Variants in LINGO2 observed in about 807,000 individuals in gnomAD.
The protein encoded by LINGO2 is leucine rich repeat and Ig domain containing 2, also known as leucine-rich repeat and immunoglobulin-like domain-containing nogo receptor-interacting protein 2.
A neutral mutation model predicts 30.6 loss-of-function variants in LINGO2; 14 were observed. The ratio of observed to expected loss-of-function variants is 0.46; its 90% CI spans 0.30 to 0.72. LINGO2 has a LOEUF of 0.72. Among genes scored for constraint, LINGO2 ranks in the 30% least tolerant of loss-of-function variants. The pLI is 0.07. For missense variants in LINGO2, 729 were observed against 751.7 expected (o/e 0.97, Z 0.35); for synonymous variants, 317 against 288.5 (o/e 1.10, Z -1.00).
At chr9:28,727,524 A>C in the LINGO2 span, among the ~76,000 whole-genome samples, 1 of 152,160 alleles carries the variant, frequency 6.6e-6, no homozygotes, top group Non-Finnish European at 1.5e-5. Flanking sequence ...TCCTGATCTC[A>C]TGATCTGCCT....
intron 5 of LINGO2, among the ~76,000 whole-genome samples, chr9:27,966,799 T>A (rs1001840286): frequency 3.9e-5 from 6 of 152,130 alleles, no homozygotes; most frequent in Non-Finnish European, 7.4e-5. Flanking sequence ...TTGGCTGCCT[T>A]CTGTGATAAT....
At chr9:28,690,527 A>C in the LINGO2 span, among the ~76,000 whole-genome samples, 2 of 152,184 alleles carry the variant, frequency 1.3e-5, no homozygotes, top group South Asian at 4.1e-4. Context: ...ATTTCTTAGT[A>C]GGAAAATTTG....
chr9:27,990,644 C>G (rs990593116), intron 5 of LINGO2, among the ~76,000 whole-genome samples: 3 of 151,750 alleles, frequency 2.0e-5, no homozygotes, highest in East Asian at 3.9e-4. Context: ...GAAAAAATAC[C>G]CTTATTTCAC....
At chr9:29,035,926 G>A in the LINGO2 span, among the ~76,000 whole-genome samples, 1 of 151,922 alleles carries the variant, frequency 6.6e-6, no homozygotes, top group Non-Finnish European at 1.5e-5. Flanking sequence ...TTGAAATCTT[G>A]GAGAAAACTG....
rs1827865615 is a variant in LINGO2, at chr9:28,148,040, T to C, written c.-86-135635A>G. Among the ~76,000 whole-genome samples, 1 of 152,202 alleles carries C rather than the reference T, an allele frequency of 6.6e-6. No homozygotes were observed. Among genetic ancestry groups the C allele is most frequent in the Admixed American group, 6.5e-5 (1 of 15,286 alleles). ...CTGGTTCCGCCACAGGTCCTGGCCA[T>C]GCCATTGGCAACCTGCTCGTCTTGT... On this transcript the variant is annotated intron_variant, in intron 4 of 5. Transcript: ENST00000379992. This position sits in a 1 kb window ranked among gnomAD's most constrained non-coding sequence, Gnocchi z 5.1.
chr9:28,160,973 A>T (rs1256299257), intron 4 of LINGO2, among the ~76,000 whole-genome samples: 1 of 152,054 alleles, frequency 6.6e-6, no homozygotes, highest in African/African-American at 2.4e-5. Context: ...CCAGCCTTCC[A>T]ATTTTGACCT....
intron 3 of LINGO2, among the ~76,000 whole-genome samples, chr9:28,342,240 T>G (rs1379748236): frequency 1.3e-5 from 2 of 152,170 alleles, no homozygotes; most frequent in African/African-American, 4.8e-5. Context: ...CAACCCTGTC[T>G]TCTAATCTAT....
At chr9:29,150,988 T>C in the LINGO2 span, among the ~76,000 whole-genome samples, 586 of 151,884 alleles carry the variant, frequency 3.9e-3, 5 homozygotes, top group Non-Finnish European at 5.7e-3. Flanking sequence ...AAAAAAAATA[T>C]ATATATTAAA....
Position 28,077,565 on chromosome 9 carries a change from T to TGGAAAATCTAGCACTTGAATATAAACATG in LINGO2, c.-86-65161_-86-65160insCATGTTTATATTCAAGTGCTAGATTTTCC, listed in dbSNP as rs1563961000. On this transcript the variant is annotated intron_variant, in intron 4 of 5. Transcript: ENST00000379992. ...CCTATTTAAGTAAATGCATCAAAAC[T>TGGAAAATCTAGCACTTGAATATAAACATG]ATTATCTTATTTTTTTCATAGAGAT... Among the ~76,000 whole-genome samples the TGGAAAATCTAGCACTTGAATATAAACATG allele has an allele frequency of 1.7e-3, 259 of 150,014 alleles. 26 individuals carry two copies. The highest frequency in any genetic ancestry group is 6.0e-3 in the African/African-American group (235 of 39,352).
chr9:27,950,350 G>C (rs778347323), exon 6 of LINGO2: 1 of 1,614,144 alleles, frequency 6.2e-7, no homozygotes, highest in East Asian at 2.2e-5. Flanking sequence ...CGGAGGGAAC[G>C]CAGGTTAAAG....
chr9:28,966,938 A>T, the LINGO2 span, among the ~76,000 whole-genome samples: 23 of 152,096 alleles, frequency 1.5e-4, no homozygotes, highest in Admixed American at 9.2e-4. Flanking sequence ...CCCTTTACTT[A>T]AAGAATAGAG....
At chr9:28,683,660 G>A in the LINGO2 span, among the ~76,000 whole-genome samples, 1 of 152,072 alleles carries the variant, frequency 6.6e-6, no homozygotes, top group East Asian at 1.9e-4. Flanking sequence ...TTTGTTTTCA[G>A]AATGAAATGT....
chr9:28,885,606 A>G, the LINGO2 span, among the ~76,000 whole-genome samples: 7 of 151,938 alleles, frequency 4.6e-5, no homozygotes, highest in African/African-American at 1.5e-4. Flanking sequence ...ATTAAAGTCT[A>G]TCTATAAAAA....
intron 2 of LINGO2, among the ~76,000 whole-genome samples, chr9:28,405,061 C>T (rs1822442587): frequency 6.6e-6 from 1 of 151,970 alleles, no homozygotes; most frequent in Admixed American, 6.6e-5. Context: ...GAGAAGTGTG[C>T]CTTTCTCGTT....
chr9:28,607,083 G>A (rs1432301439), intron 1 of LINGO2, among the ~76,000 whole-genome samples: 1 of 152,016 alleles, frequency 6.6e-6, no homozygotes, highest in Non-Finnish European at 1.5e-5. Flanking sequence ...TTGGTATTCT[G>A]AGATTGCAAG....
chr9:28,175,780 A>C (rs1369838288), intron 4 of LINGO2, among the ~76,000 whole-genome samples: 5 of 152,158 alleles, frequency 3.3e-5, no homozygotes, highest in Non-Finnish European at 7.4e-5. Flanking sequence ...GTTCACTCTT[A>C]TTACAATGTT....
In LINGO2 at chr9:28,506,451, CACACATACACAT is replaced by C. The variant is rs1215915280; in HGVS notation, c.-364-30438_-364-30427del. Among the ~76,000 whole-genome samples, 621 of 100,200 alleles carry C rather than the reference CACACATACACAT, an allele frequency of 6.2e-3. 8 individuals are homozygous for C. Among genetic ancestry groups the C allele is most frequent in the African/African-American group, 0.02 (587 of 29,912 alleles). The allele number at this position is 100,200 out of a possible 152,430, so 65.7% of individuals were successfully genotyped here. ...ACACACACACACACACACACACACA[CACACATACACAT>C]ACACACACACACACACATACACATA... On this transcript the variant is annotated intron_variant, in intron 1 of 5. Coordinates refer to ENST00000379992, the Ensembl canonical transcript of LINGO2.
chr9:28,920,787 T>A, the LINGO2 span, among the ~76,000 whole-genome samples: 2 of 152,142 alleles, frequency 1.3e-5, no homozygotes, highest in African/African-American at 4.8e-5. Context: ...TCTATACACA[T>A]ACTTGTCTAG....
intron 1 of LINGO2, among the ~76,000 whole-genome samples, chr9:28,598,418 CAA>C (rs766825127): frequency 1.0e-4 from 11 of 109,042 alleles, no homozygotes; most frequent in African/African-American, 3.3e-4. Flanking sequence ...TTCTCCATAT[CAA>C]AAAAAAAAAA....
Sources: gnomAD v4.1 joint callset for allele counts (sites outside exome capture counted in the v4.1 genomes callset) on GRCh38, gnomAD v4.1.1 for gene constraint, Gnocchi (gnomAD v3.1) non-coding constraint, MANE v1.5 for transcripts, NCBI Gene and HGNC (gene_info 2026-07-23, HGNC 2026-07-21) for gene names.